The following EXOC4 variants were observed in gnomAD, a reference collection of about 807,000 sequenced individuals.
EXOC4 encodes the protein exocyst complex component 4.
In EXOC4, 71 loss-of-function variants were observed where a neutral mutation model predicts 107.2. That is an observed-to-expected ratio of 0.66 (90% CI 0.55 to 0.81). The LOEUF (loss-of-function observed/expected upper bound fraction) is 0.81, where lower values mean the gene tolerates loss of function less well. EXOC4 is among the 30% of genes least tolerant of loss of function. The pLI, the probability that EXOC4 is intolerant of heterozygous loss-of-function variation, is 0.00. For synonymous variants in EXOC4, 456 were observed against 441.2 expected (o/e 1.03, Z -0.42); for missense variants, 1,108 against 1,189.6 (o/e 0.93, Z 1.01).
chr7:133,583,167 T>C (rs1585012711), intron 9 of EXOC4, among the ~76,000 whole-genome samples: 1 of 152,224 alleles, frequency 6.6e-6, no homozygotes, highest in Non-Finnish European at 1.5e-5. Context: ...GCCTCTCTTC[T>C]TCTTTATTTA....
At chr7:133,485,093 ATAAATAAAT>A (rs1799244646) in intron 9 of EXOC4, among the ~76,000 whole-genome samples, 3 of 141,782 alleles carry the variant, frequency 2.1e-5, no homozygotes, top group African/African-American at 8.1e-5. Flanking sequence ...AAATAAATAA[ATAAATAAAT>A]AAATAAATAA....
intron 10 of EXOC4, among the ~76,000 whole-genome samples, chr7:133,765,172 C>T (rs1796110556): frequency 6.6e-6 from 1 of 152,054 alleles, no homozygotes; most frequent in South Asian, 2.1e-4. Context: ...AGTAAGCATA[C>T]CTTTATTCCT....
At chr7:133,934,768 A>T (rs1307676997) in intron 13 of EXOC4, among the ~76,000 whole-genome samples, 1 of 152,124 alleles carries the variant, frequency 6.6e-6, no homozygotes, top group Middle Eastern at 3.4e-3. Context: ...CGAAGAGTTG[A>T]TATATAAGGG....
chr7:134,042,539 C>G (rs1177266550), intron 17 of EXOC4, among the ~76,000 whole-genome samples: 1 of 151,650 alleles, frequency 6.6e-6, no homozygotes, highest in Non-Finnish European at 1.5e-5. Flanking sequence ...CGACTGGGCA[C>G]ACTGTCGATT....
chr7:134,051,538 G>A (rs1443682180), intron 17 of EXOC4, among the ~76,000 whole-genome samples: 1 of 151,982 alleles, frequency 6.6e-6, no homozygotes, highest in African/African-American at 2.4e-5. Context: ...TGGGTGTGGT[G>A]GCACATGCCT....
chr7:133,920,254 A>AGT (rs1000576347), intron 13 of EXOC4, among the ~76,000 whole-genome samples: 4 of 152,078 alleles, frequency 2.6e-5, no homozygotes, highest in Non-Finnish European at 5.9e-5. Context: ...CAGTTTTAAG[A>AGT]GTTATATGTA....
chr7:133,888,373 C>T (rs962392255), intron 11 of EXOC4, among the ~76,000 whole-genome samples: 42 of 150,516 alleles, frequency 2.8e-4, no homozygotes, highest in African/African-American at 9.4e-4. Flanking sequence ...CTTACCATAG[C>T]CTATGTAATT....
chr7:133,280,132 A>C (rs1794097810), intron 2 of EXOC4, among the ~76,000 whole-genome samples: 1 of 152,170 alleles, frequency 6.6e-6, no homozygotes, highest in Admixed American at 6.5e-5. Context: ...TAATTTAAAA[A>C]AATTTTTTAT....
intron 11 of EXOC4, among the ~76,000 whole-genome samples, chr7:133,820,651 T>C (rs564243850): frequency 6.6e-6 from 1 of 152,230 alleles, no homozygotes; most frequent in Non-Finnish European, 1.5e-5. Context: ...TCCTTTAAAA[T>C]TCTTCCCTTT....
At chr7:133,605,991 G>T (rs1310693508) in intron 9 of EXOC4, among the ~76,000 whole-genome samples, 1 of 152,076 alleles carries the variant, frequency 6.6e-6, no homozygotes, top group Non-Finnish European at 1.5e-5. Flanking sequence ...TAAGTGAGAA[G>T]GTGTTTCTAG....
chr7:133,866,987 C>A (rs1342026754), intron 11 of EXOC4, among the ~76,000 whole-genome samples: 1 of 152,210 alleles, frequency 6.6e-6, no homozygotes, highest in Non-Finnish European at 1.5e-5. Context: ...CAAGTCCCTT[C>A]AGGAGATTTG....
intron 4 of EXOC4, chr7:133,315,050 C>T (rs1317884710): frequency 6.5e-6 from 1 of 153,260 alleles, no homozygotes; most frequent in Admixed American, 6.5e-5. Context: ...TTTTGTGTTG[C>T]TTCTTCATGG....
chr7:133,415,738 TGTG>T (rs1470276625), intron 7 of EXOC4, among the ~76,000 whole-genome samples: 3 of 152,172 alleles, frequency 2.0e-5, no homozygotes, highest in Non-Finnish European at 4.4e-5. Context: ...TTGTTAAAAT[TGTG>T]GTGCTATATA....
chr7:133,519,783 A>T (rs1182887364), intron 9 of EXOC4, among the ~76,000 whole-genome samples: 1 of 152,204 alleles, frequency 6.6e-6, no homozygotes, highest in Non-Finnish European at 1.5e-5. Flanking sequence ...TTTTCAGATG[A>T]ACTTCCCAGT....
intron 17 of EXOC4, among the ~76,000 whole-genome samples, chr7:134,049,729 G>A (rs559165699): frequency 6.3e-4 from 96 of 152,214 alleles, no homozygotes; most frequent in Middle Eastern, 3.4e-3. Context: ...AGAGAACAAG[G>A]ACTATGTTTT....
At chr7:133,855,104 AATATATATAAAT>A (rs1283460254) in intron 11 of EXOC4, among the ~76,000 whole-genome samples, 4 of 61,892 alleles carry the variant, frequency 6.5e-5, no homozygotes, top group Admixed American at 2.1e-4. Flanking sequence ...TATATATATA[AATATATATAAAT>A]ATATATATAT....
At chr7:134,036,896 A>G (rs1795402678) in intron 17 of EXOC4, among the ~76,000 whole-genome samples, 1 of 152,164 alleles carries the variant, frequency 6.6e-6, no homozygotes, top group Admixed American at 6.5e-5. Context: ...CCTATAAAAT[A>G]GAGATGATTT....
chr7:133,753,337 A>G (rs888779438), intron 10 of EXOC4, among the ~76,000 whole-genome samples: 1 of 152,192 alleles, frequency 6.6e-6, no homozygotes, highest in African/African-American at 2.4e-5. Context: ...CAGGATGAGA[A>G]TTTATTCACC....
Position 134,008,082 on chromosome 7 carries a change from ACT to A in EXOC4, c.2687+250_2687+251del. ...TCTTCTTAACTACAATACTTGAATAACTCTTTTTTTCTGCATGTAAAAGTATA... is the reference window on the plus strand; with the variant it reads ...TCTTCTTAACTACAATACTTGAATAACTTTTTTTCTGCATGTAAAAGTATA... On this transcript the variant is annotated intron_variant, in intron 17 of 17. Transcript: ENST00000253861. 4 of 401,590 alleles carry A rather than the reference ACT, an allele frequency of 1.0e-5. No individual in the cohort carries two copies. In the South Asian group the frequency reaches 1.4e-4, roughly 14 times the overall value. 24.9% of individuals were successfully genotyped at this position (401,590 alleles called of 1,614,324 possible).
Sources: allele counts gnomAD v4.1 joint callset (sites outside exome capture counted in the v4.1 genomes callset), GRCh38; gene constraint gnomAD v4.1.1; transcripts MANE v1.5; gene names NCBI Gene and HGNC (gene_info 2026-07-23, HGNC 2026-07-21).